The following LDLRAD4 variants were observed in gnomAD, a reference collection of about 807,000 sequenced individuals.
LDLRAD4 encodes low-density lipoprotein receptor class A domain-containing protein 4.
A neutral mutation model predicts 17.0 loss-of-function variants in LDLRAD4; 5 were observed. The ratio of observed to expected loss-of-function variants is 0.29; its 90% CI spans 0.15 to 0.62. LDLRAD4 has a LOEUF of 0.62. LDLRAD4 is among the 20% of genes least tolerant of loss of function. LDLRAD4 has a pLI of 0.84. For synonymous variants in LDLRAD4, 168 were observed against 171.8 expected, an observed-to-expected ratio of 0.98 and a Z score of 0.17; for missense variants, 340 against 424.7, an observed-to-expected ratio of 0.80 and a Z score of 1.75.
At chr18:13,569,435 G>A (rs1047052210) in intron 3 of LDLRAD4, among the ~76,000 whole-genome samples, 5 of 152,138 alleles carry the variant, frequency 3.3e-5, no homozygotes, top group East Asian at 1.9e-4. Context: ...TTCATAAGTC[G>A]GATGTTGCTT....
At chr18:13,381,151 C>A (rs1434054097) in intron 1 of LDLRAD4, among the ~76,000 whole-genome samples, 1 of 146,376 alleles carries the variant, frequency 6.8e-6, no homozygotes, top group Non-Finnish European at 1.5e-5. Context: ...AGTCACAGCT[C>A]ACAGCAGCTT....
At chr18:13,327,668 G>A (rs2081606710) in intron 1 of LDLRAD4, among the ~76,000 whole-genome samples, 1 of 152,048 alleles carries the variant, frequency 6.6e-6, no homozygotes, top group African/African-American at 2.4e-5. Context: ...TCTAAAGATA[G>A]AGGGACATGG....
chr18:13,372,939 C>T (rs1342318223), intron 1 of LDLRAD4, among the ~76,000 whole-genome samples: 2 of 152,212 alleles, frequency 1.3e-5, no homozygotes, highest in Non-Finnish European at 2.9e-5. Context: ...AGCTTGCTGT[C>T]TGGGCTCCAG....
Position 13,399,244 on chromosome 18 carries a change from C to T in LDLRAD4, c.40+11482C>T, listed in dbSNP as rs558561132. Among the ~76,000 whole-genome samples the T allele has an allele frequency of 2.0e-5, 3 of 152,226 alleles. No individual in the cohort carries two copies. In the East Asian group the frequency reaches 5.8e-4, roughly 29 times the overall value. On this transcript the variant is annotated intron_variant, in intron 2 of 5. Transcript: ENST00000359446. ...AAAAAAAGACGCTGTATGTATTTTG[C>T]CCTAAACAGAGTGGACAGTGATGTG...
chr18:13,593,667 A>G (rs1385125281), intron 3 of LDLRAD4, among the ~76,000 whole-genome samples: 1 of 152,188 alleles, frequency 6.6e-6, no homozygotes, highest in Non-Finnish European at 1.5e-5. Context: ...TATATGGCGC[A>G]GGCTGGCCTT....
At chr18:13,477,471 C>T (rs1600670983) in intron 3 of LDLRAD4, among the ~76,000 whole-genome samples, 1 of 152,208 alleles carries the variant, frequency 6.6e-6, no homozygotes, top group African/African-American at 2.4e-5. Context: ...ACTTGTCATG[C>T]ATTTCTCTTC....
intron 3 of LDLRAD4, among the ~76,000 whole-genome samples, chr18:13,581,758 C>T (rs1330164292): frequency 6.6e-6 from 1 of 152,180 alleles, no homozygotes; most frequent in Non-Finnish European, 1.5e-5. Flanking sequence ...GGACTTTCTG[C>T]ACTGCTGGAT....
At chr18:13,249,577 C>T (rs2043131765) in intron 1 of LDLRAD4, among the ~76,000 whole-genome samples, 1 of 150,978 alleles carries the variant, frequency 6.6e-6, no homozygotes, top group South Asian at 2.1e-4. Flanking sequence ...CTCAAATTTT[C>T]TCATTTTAAA....
intron 3 of LDLRAD4, among the ~76,000 whole-genome samples, chr18:13,620,460 G>T (rs1033019242): frequency 6.6e-5 from 10 of 152,182 alleles, no homozygotes; most frequent in African/African-American, 1.7e-4. Context: ...GCTCCAGGCC[G>T]CCCGTGAGCC....
At chr18:13,397,319 A>G (rs1486989258) in intron 2 of LDLRAD4, among the ~76,000 whole-genome samples, 1 of 151,944 alleles carries the variant, frequency 6.6e-6, no homozygotes, top group Non-Finnish European at 1.5e-5. Context: ...AATTTTTTGT[A>G]TTTTTAGTAG....
intron 3 of LDLRAD4, among the ~76,000 whole-genome samples, chr18:13,620,351 A>G (rs575374102): frequency 1.1e-3 from 174 of 152,142 alleles, no homozygotes; most frequent in Non-Finnish European, 1.9e-3. Flanking sequence ...CTTGCTCTGA[A>G]TTTACATCAC....
At chr18:13,348,820 A>G (rs2082862174) in intron 1 of LDLRAD4, among the ~76,000 whole-genome samples, 1 of 151,988 alleles carries the variant, frequency 6.6e-6, no homozygotes, top group Non-Finnish European at 1.5e-5. Flanking sequence ...TTTATCTCAG[A>G]CTGCTGTGCT....
intron 1 of LDLRAD4, among the ~76,000 whole-genome samples, chr18:13,320,777 GTGTTGACCTCATTGTTCCC>G (rs2081174870): frequency 6.6e-6 from 1 of 152,218 alleles, no homozygotes; most frequent in South Asian, 2.1e-4. Context: ...AACGTGTGAC[GTGTTGACCTCATTGTTCCC>G]TGAGTGTCAC....
intron 1 of LDLRAD4, among the ~76,000 whole-genome samples, chr18:13,246,827 C>T (rs189997779): frequency 1.9e-3 from 288 of 152,264 alleles, no homozygotes; most frequent in African/African-American, 6.4e-3. Context: ...TGCTTCATAA[C>T]CTCAGGGTTA....
chr18:13,316,013 A>G (rs1394745181), intron 1 of LDLRAD4, among the ~76,000 whole-genome samples: 1 of 152,148 alleles, frequency 6.6e-6, no homozygotes, highest in African/African-American at 2.4e-5. Context: ...TGTGGAGAAA[A>G]GGCCCAGCGT....
intron 3 of LDLRAD4, chr18:13,461,093 TC>T (rs2092405751): frequency 3.0e-5 from 1 of 33,374 alleles, no homozygotes; most frequent in African/African-American, 4.6e-5. Context: ...GCTTGCTGTC[TC>T]TTGAGTACCG....
intron 1 of LDLRAD4, among the ~76,000 whole-genome samples, chr18:13,347,440 A>C (rs1487072768): frequency 6.6e-6 from 1 of 152,186 alleles, no homozygotes; most frequent in South Asian, 2.1e-4. Flanking sequence ...CCGAGAGATC[A>C]GCTGTTAGTC....
intron 3 of LDLRAD4, chr18:13,614,488 C>T (rs1360826553): frequency 2.0e-5 from 3 of 152,126 alleles, no homozygotes; most frequent in South Asian, 4.2e-4. Flanking sequence ...CAACCCACCT[C>T]CAAGGAAAAT....
chr18:13,612,493 G>A (rs969573469), intron 3 of LDLRAD4: 3 of 1,346,732 alleles, frequency 2.2e-6, no homozygotes, highest in Non-Finnish European at 2.9e-6. Flanking sequence ...AGCACCTGGG[G>A]TGGGCCCTGC....
Sources: gnomAD v4.1 joint callset for allele counts (sites outside exome capture counted in the v4.1 genomes callset) on GRCh38, gnomAD v4.1.1 for gene constraint, MANE v1.5 for transcripts, NCBI Gene and HGNC (gene_info 2026-07-23, HGNC 2026-07-21) for gene names.